Variants in AUTS2 observed in about 807,000 individuals in gnomAD.
AUTS2 encodes activator of transcription and developmental regulator AUTS2, also known as autism susceptibility gene 2 protein.
AUTS2 carries 17 observed loss-of-function variants against 112.4 expected under a neutral mutation model. That is an observed-to-expected ratio of 0.15 (90% CI 0.10 to 0.23). The LOEUF is 0.23. AUTS2 is among the 10% of genes least tolerant of loss of function. The probability of loss-of-function intolerance (pLI) is 1.00; values close to 1 mark genes in which losing one functional copy is unlikely to be tolerated. For synonymous variants in AUTS2, 751 were observed against 702.7 expected, an observed-to-expected ratio of 1.07 and a Z score of -1.09; for missense variants, 1,510 against 1,701.6, an observed-to-expected ratio of 0.89 and a Z score of 1.98.
intron 1 of AUTS2, among the ~76,000 whole-genome samples, chr7:69,603,755 G>A (rs185574457): frequency 1.3e-5 from 2 of 152,290 alleles, no homozygotes; most frequent in East Asian, 3.9e-4. Context: ...CGAGTGACAG[G>A]ATGAGAGCAA....
At chr7:70,250,687 T>G (rs1786544636) in intron 4 of AUTS2, among the ~76,000 whole-genome samples, 1 of 152,158 alleles carries the variant, frequency 6.6e-6, no homozygotes, top group Admixed American at 6.5e-5. Context: ...ATGCAGCCAC[T>G]AAAGAATGAG....
At chr7:70,749,842 G>A (rs979239600) in intron 6 of AUTS2, among the ~76,000 whole-genome samples, 1 of 152,230 alleles carries the variant, frequency 6.6e-6, no homozygotes, top group Non-Finnish European at 1.5e-5. Flanking sequence ...TCAGTGAACT[G>A]TTGCCTATGG....
At chr7:70,166,552 AAGT>A (rs1423306568) in intron 4 of AUTS2, among the ~76,000 whole-genome samples, 1 of 152,170 alleles carries the variant, frequency 6.6e-6, no homozygotes, top group East Asian at 1.9e-4. Context: ...TAACATTTCA[AAGT>A]AGACTATGAT....
intron 4 of AUTS2, among the ~76,000 whole-genome samples, chr7:70,300,642 G>T (rs1171378106): frequency 6.6e-6 from 1 of 152,088 alleles, no homozygotes; most frequent in Non-Finnish European, 1.5e-5. Context: ...TACTATTAAA[G>T]CCATCAAGCC....
intron 2 of AUTS2, among the ~76,000 whole-genome samples, chr7:70,034,766 C>G (rs1800926740): frequency 6.6e-6 from 1 of 152,128 alleles, no homozygotes; most frequent in African/African-American, 2.4e-5. Context: ...AAGGTTACCA[C>G]TCAGAACAAA....
At chr7:70,121,128 G>C (rs1201026851) in intron 3 of AUTS2, among the ~76,000 whole-genome samples, 1 of 152,178 alleles carries the variant, frequency 6.6e-6, no homozygotes, top group South Asian at 2.1e-4. Context: ...ATGGTGTTGA[G>C]AGAACTGGAT....
chr7:70,730,348 T>C (rs756797360), intron 6 of AUTS2, among the ~76,000 whole-genome samples: 3 of 152,142 alleles, frequency 2.0e-5, no homozygotes, highest in Non-Finnish European at 4.4e-5. Flanking sequence ...CAGCTATCAC[T>C]ACAATTAATT....
At chr7:70,250,396 A>G (rs1391501213) in intron 4 of AUTS2, among the ~76,000 whole-genome samples, 2 of 152,178 alleles carry the variant, frequency 1.3e-5, no homozygotes, top group Non-Finnish European at 1.5e-5. Context: ...ACAGATTCAC[A>G]TGGTCAGGTA....
intron 5 of AUTS2, among the ~76,000 whole-genome samples, chr7:70,690,736 G>A (rs1027728652): frequency 1.7e-4 from 26 of 152,194 alleles, no homozygotes; most frequent in African/African-American, 6.3e-4. Context: ...GTCAAGGTGG[G>A]AGAATCACTT....
intron 4 of AUTS2, among the ~76,000 whole-genome samples, chr7:70,166,155 T>C (rs1221910794): frequency 6.6e-6 from 1 of 152,204 alleles, no homozygotes; most frequent in Non-Finnish European, 1.5e-5. Flanking sequence ...ACCTCTTTTC[T>C]TTGTAAATTA....
At chr7:70,216,229 T>C (rs1345236735) in intron 4 of AUTS2, among the ~76,000 whole-genome samples, 1 of 152,196 alleles carries the variant, frequency 6.6e-6, no homozygotes, top group East Asian at 1.9e-4. Context: ...AGTGTACATA[T>C]GTTTCATCTT....
intron 5 of AUTS2, among the ~76,000 whole-genome samples, chr7:70,542,175 A>G (rs552497919): frequency 7.1e-4 from 106 of 149,274 alleles, no homozygotes; most frequent in African/African-American, 2.2e-3. Flanking sequence ...TTACCAATCT[A>G]AAAAAAAAAG....
At position 70,421,132 on chromosome 7, in the gene AUTS2, A is replaced by G. The variant is rs1249786370; in HGVS notation, c.661-14620A>G. Among the ~76,000 whole-genome samples, 3 of 152,240 alleles carry G rather than the reference A, an allele frequency of 2.0e-5. 1 individual carries two copies. Among genetic ancestry groups the G allele is most frequent in the Non-Finnish European group, 4.4e-5 (3 of 68,034 alleles). On this transcript the variant is annotated intron_variant, in intron 4 of 18. Coordinates refer to ENST00000342771, the MANE Select transcript of AUTS2 (RefSeq NM_015570.4). ...TGAAAGATGCCACCGGAAATTAAAA[A>G]AGAAAAAGGCATAAGAAGGTAGGAT...
At chr7:70,053,264 C>A (rs1031902765) in intron 2 of AUTS2, among the ~76,000 whole-genome samples, 2 of 151,962 alleles carry the variant, frequency 1.3e-5, no homozygotes, top group African/African-American at 4.8e-5. Flanking sequence ...GAAGGTGTTC[C>A]TTATTAAAGA....
chr7:70,393,190 C>T (rs144342628), intron 4 of AUTS2, among the ~76,000 whole-genome samples: 135 of 152,310 alleles, frequency 8.9e-4, no homozygotes, highest in Admixed American at 3.0e-3. Context: ...CTCACCTCCT[C>T]GGGAGACTGA....
Position 70,526,349 on chromosome 7 carries a change from G to A in AUTS2, c.690+90568G>A, listed in dbSNP as rs187871088. On this transcript the variant is annotated intron_variant, in intron 5 of 18. Coordinates refer to ENST00000342771, the MANE Select transcript of AUTS2 (RefSeq NM_015570.4). ...TCCTTTAGTTCATCACCTGGTGCTT[G>A]CTGGCCAGGTTCTATACCATCTTCA... Among the ~76,000 whole-genome samples the A allele has an allele frequency of 4.6e-5, 7 of 152,248 alleles. No homozygotes were observed. The East Asian group carries it at 1.4e-3, about 30-fold the overall frequency.
chr7:70,383,312 C>A (rs754622869), intron 4 of AUTS2, among the ~76,000 whole-genome samples: 1 of 152,004 alleles, frequency 6.6e-6, no homozygotes, highest in African/African-American at 2.4e-5. Context: ...TCACTCCATG[C>A]GGTTTGGGAC....
intron 4 of AUTS2, among the ~76,000 whole-genome samples, chr7:70,137,412 T>C (rs1806624282): frequency 6.6e-6 from 1 of 152,158 alleles, no homozygotes; most frequent in African/African-American, 2.4e-5. Flanking sequence ...CTTTTTTTTT[T>C]TCTTTTTTGG....
At chr7:69,656,888 C>T (rs1795564328) in intron 1 of AUTS2, among the ~76,000 whole-genome samples, 2 of 152,100 alleles carry the variant, frequency 1.3e-5, no homozygotes, top group Non-Finnish European at 2.9e-5. Context: ...ACATTCAGGG[C>T]TCATGGAGAA....
Sources: allele counts gnomAD v4.1 joint callset (sites outside exome capture counted in the v4.1 genomes callset), GRCh38; gene constraint gnomAD v4.1.1; transcripts MANE v1.5; gene names NCBI Gene and HGNC (gene_info 2026-07-23, HGNC 2026-07-21).